Variants in ASTN2 observed in about 807,000 individuals in gnomAD.
ASTN2 encodes astrotactin-2.
Under a neutral mutation model 139.8 loss-of-function variants are expected in ASTN2, and 54 were observed. That is an observed-to-expected ratio of 0.39 (90% confidence interval 0.31 to 0.48). The LOEUF (loss-of-function observed/expected upper bound fraction) is 0.48. Among genes scored for constraint, ASTN2 ranks in the 20% least tolerant of loss-of-function variants. ASTN2 has a pLI of 0.95. For synonymous variants in ASTN2, 756 were observed against 719.5 expected (o/e 1.05, Z -0.81); for missense variants, 1,565 against 1,725.1 (o/e 0.91, Z 1.64).
chr9:116,569,603 T>C (rs1391397888), intron 19 of ASTN2, among the ~76,000 whole-genome samples: 1 of 152,192 alleles, frequency 6.6e-6, no homozygotes, highest in Non-Finnish European at 1.5e-5. Context: ...TTGGTTCTCT[T>C]CAGCTTCAAT....
intron 6 of ASTN2, among the ~76,000 whole-genome samples, chr9:117,014,674 T>C (rs1182917576): frequency 1.3e-5 from 2 of 152,150 alleles, no homozygotes; most frequent in African/African-American, 2.4e-5. Flanking sequence ...AATGTGACTG[T>C]CCTTGAAGAC....
At chr9:117,117,416 C>T (rs1490891015) in intron 4 of ASTN2, among the ~76,000 whole-genome samples, 1 of 147,428 alleles carries the variant, frequency 6.8e-6, no homozygotes, top group Non-Finnish European at 1.5e-5. Context: ...AAAAACGCAA[C>T]TCCACTAATA....
intron 19 of ASTN2, among the ~76,000 whole-genome samples, chr9:116,527,838 C>G (rs921127684): frequency 1.3e-5 from 2 of 152,152 alleles, no homozygotes; most frequent in African/African-American, 4.8e-5. Flanking sequence ...CCCCCTCACT[C>G]TCCCTTTCCT....
chr9:117,412,698 C>G (rs982199960), intron 1 of ASTN2, among the ~76,000 whole-genome samples: 5 of 152,138 alleles, frequency 3.3e-5, no homozygotes, highest in Admixed American at 6.5e-5. Context: ...AGGATTTCCA[C>G]CCCTCATCTC....
Position 116,889,720 on chromosome 9 carries a change from TACACACACACACACAC to T in ASTN2, c.1890-26003_1890-25988del, listed in dbSNP as rs9299242. 2.0e-3 allele frequency among the ~76,000 whole-genome samples: 274 copies of T among 136,658 alleles called. 2 individuals are homozygous for T. The highest frequency in any genetic ancestry group is 4.8e-3 in the African/African-American group (176 of 36,696). The allele number at this position is 136,658 out of a possible 152,430, so 89.7% of individuals were successfully genotyped here. ...GGGCAACATAGCAAGACCTTGTCTC[TACACACACACACACAC>T]ACACACACACACACACACACACACA... On this transcript the variant is annotated intron_variant, in intron 10 of 22. Transcript: ENST00000313400.
At chr9:116,517,326 A>T (rs531930763) in intron 19 of ASTN2, among the ~76,000 whole-genome samples, 19 of 152,348 alleles carry the variant, frequency 1.2e-4, no homozygotes, top group Non-Finnish European at 2.5e-4. Context: ...CTGAAGACAG[A>T]TAACATTACA....
intron 6 of ASTN2, among the ~76,000 whole-genome samples, chr9:117,038,285 C>A (rs533828712): frequency 6.6e-6 from 1 of 152,176 alleles, no homozygotes; most frequent in Non-Finnish European, 1.5e-5. Flanking sequence ...GTAAGGATCT[C>A]AAAAACGTTC....
chr9:117,165,893 T>G (rs1302230216), intron 3 of ASTN2, among the ~76,000 whole-genome samples: 1 of 152,090 alleles, frequency 6.6e-6, no homozygotes. Flanking sequence ...GCAAAGTAAG[T>G]GTCTAGTAAA....
chr9:116,487,780 A>T (rs541878993), intron 19 of ASTN2, among the ~76,000 whole-genome samples: 56 of 152,270 alleles, frequency 3.7e-4, no homozygotes, highest in African/African-American at 1.3e-3. Context: ...GTGTAATAAA[A>T]ATTTATGAAA....
At chr9:116,439,516 T>G (rs1324977415) in intron 22 of ASTN2, among the ~76,000 whole-genome samples, 7 of 152,090 alleles carry the variant, frequency 4.6e-5, no homozygotes, top group Non-Finnish European at 1.0e-4. Flanking sequence ...ACATTTTTAA[T>G]AAGAAGTGAA....
In ASTN2 at chr9:116,616,792, C is replaced by CAT. The variant is rs374057382; in HGVS notation, c.3355+1531_3355+1532insAT. ...CCAGAAGGACAAAGACACACACACACACACACACACACAAAATACACACCC... is the reference window on the plus strand; with the variant it reads ...CCAGAAGGACAAAGACACACACACACATACACACACACACAAAATACACACCC... On this transcript the variant is annotated intron_variant, in intron 19 of 22. Coordinates refer to ENST00000313400, the MANE Select transcript of ASTN2 (RefSeq NM_001365068.1). 9.2e-3 allele frequency among the ~76,000 whole-genome samples: 1,389 copies of CAT among 151,750 alleles called. 9 individuals are homozygous for CAT. The highest frequency in any genetic ancestry group is 0.028 in the African/African-American group (1,165 of 41,196).
intron 19 of ASTN2, chr9:116,546,093 CG>C (rs1301761370): frequency 6.6e-6 from 1 of 152,222 alleles, no homozygotes; most frequent in East Asian, 1.9e-4. Context: ...GAGAGTGCCT[CG>C]GGAAGAGCAG....
At chr9:117,023,553 CTTTAT>C (rs1359776488) in intron 6 of ASTN2, among the ~76,000 whole-genome samples, 1 of 152,158 alleles carries the variant, frequency 6.6e-6, no homozygotes, top group Non-Finnish European at 1.5e-5. Context: ...TGCTTACTTA[CTTTAT>C]TTTGCTAATT....
chr9:117,087,115 T>A (rs73527180), intron 5 of ASTN2, among the ~76,000 whole-genome samples: 2 of 152,222 alleles, frequency 1.3e-5, no homozygotes, highest in African/African-American at 2.4e-5. Flanking sequence ...GATGGTGACG[T>A]GAAAAGCTGC....
intron 4 of ASTN2, among the ~76,000 whole-genome samples, chr9:117,120,216 C>T (rs1829520833): frequency 6.6e-6 from 1 of 151,614 alleles, no homozygotes; most frequent in Non-Finnish European, 1.5e-5. Flanking sequence ...ACTGGAAACT[C>T]ACCTTCCCAC....
chr9:116,676,634 A>T (rs774610273), intron 16 of ASTN2, among the ~76,000 whole-genome samples: 2 of 152,242 alleles, frequency 1.3e-5, no homozygotes, highest in East Asian at 1.9e-4. Flanking sequence ...AGCCATAAAA[A>T]TTTTTTTTGA....
intron 12 of ASTN2, among the ~76,000 whole-genome samples, chr9:116,815,766 C>CTG (rs1175088158): frequency 8.3e-6 from 1 of 120,870 alleles, no homozygotes; most frequent in Non-Finnish European, 1.6e-5. Flanking sequence ...GATCGCCCCA[C>CTG]TGCACTCCAG....
intron 4 of ASTN2, among the ~76,000 whole-genome samples, chr9:117,109,612 T>G (rs910388747): frequency 1.3e-5 from 2 of 152,170 alleles, no homozygotes; most frequent in East Asian, 3.9e-4. Context: ...AGTTTTCAGG[T>G]TTTTTTCTTG....
chr9:116,993,853 G>GATATATATATATATATAT (rs61556942), intron 7 of ASTN2, among the ~76,000 whole-genome samples: 9 of 132,026 alleles, frequency 6.8e-5, no homozygotes, highest in African/African-American at 1.9e-4. Context: ...GTATGTACAT[G>GATATATATATATATATAT]ATATATATAT....
Sources: allele counts gnomAD v4.1 joint callset (sites outside exome capture counted in the v4.1 genomes callset), GRCh38; gene constraint gnomAD v4.1.1; transcripts MANE v1.5; gene names NCBI Gene and HGNC (gene_info 2026-07-23, HGNC 2026-07-21).